The following TNFSF4 variants were observed in gnomAD, a reference collection of about 807,000 sequenced individuals.
TNFSF4 encodes the protein TNF superfamily member 4, also known as tumor necrosis factor ligand superfamily member 4.
A neutral mutation model predicts 7.3 loss-of-function variants in TNFSF4; 4 were observed. That is an observed-to-expected ratio of 0.55 (90% CI 0.27 to 1.25). The LOEUF is 1.25. Among genes scored for constraint, TNFSF4 ranks in the 50% most tolerant of loss-of-function variants. The probability of loss-of-function intolerance (pLI) is 0.12; values close to 1 mark genes in which losing one functional copy is unlikely to be tolerated. For missense variants in TNFSF4, 181 were observed against 208.8 expected, an observed-to-expected ratio of 0.87 and a Z score of 0.82; for synonymous variants, 76 against 83.7, an observed-to-expected ratio of 0.91 and a Z score of 0.50.
chr1:173,395,499 A>G, the TNFSF4 span, among the ~76,000 whole-genome samples: 9 of 148,570 alleles, frequency 6.1e-5, no homozygotes, highest in Non-Finnish European at 1.3e-4. Context: ...TTGCTGACCA[A>G]AATGGTGTAA....
At chr1:173,270,304 T>C in the TNFSF4 span, among the ~76,000 whole-genome samples, 9 of 152,106 alleles carry the variant, frequency 5.9e-5, no homozygotes, top group African/African-American at 2.2e-4. Context: ...GCTGGGACTG[T>C]AAGTTTGGGA....
At chr1:173,371,663 T>C in the TNFSF4 span, among the ~76,000 whole-genome samples, 1 of 152,088 alleles carries the variant, frequency 6.6e-6, no homozygotes, top group Non-Finnish European at 1.5e-5. Context: ...AAAAACCAAA[T>C]GGTTAGGGGA....
chr1:173,362,832 A>G, the TNFSF4 span: 16 of 438,010 alleles, frequency 3.7e-5, no homozygotes, highest in Admixed American at 4.4e-4. Context: ...ATGCAAGACA[A>G]GCTGAACATT....
At chr1:173,242,293 A>G in the TNFSF4 span, among the ~76,000 whole-genome samples, 3 of 152,080 alleles carry the variant, frequency 2.0e-5, no homozygotes, top group African/African-American at 7.2e-5. Flanking sequence ...CACCCTCCAA[A>G]CACCAAGAAA....
chr1:173,394,939 TAGATAGAC>T, the TNFSF4 span, among the ~76,000 whole-genome samples: 95 of 149,868 alleles, frequency 6.3e-4, 1 homozygote, highest in South Asian at 5.2e-3. Context: ...GATAGATAGA[TAGATAGAC>T]AGACAGACAG....
At chr1:173,388,673 A>G in the TNFSF4 span, among the ~76,000 whole-genome samples, 2 of 152,358 alleles carry the variant, frequency 1.3e-5, no homozygotes, top group African/African-American at 4.8e-5. Flanking sequence ...AAAATGTCAA[A>G]CAATGCCACT....
the TNFSF4 span, among the ~76,000 whole-genome samples, chr1:173,330,730 G>A: frequency 2.0e-5 from 3 of 152,038 alleles, no homozygotes; most frequent in Non-Finnish European, 4.4e-5. Context: ...AAAGTGCATT[G>A]CAAAGGAGAA....
chr1:173,400,483 A>G, the TNFSF4 span, among the ~76,000 whole-genome samples: 1 of 152,208 alleles, frequency 6.6e-6, no homozygotes, highest in Non-Finnish European at 1.5e-5. Context: ...CTGCCTGCCT[A>G]GAGGTCTTAA....
At chr1:173,236,792 T>G in the TNFSF4 span, among the ~76,000 whole-genome samples, 2 of 152,056 alleles carry the variant, frequency 1.3e-5, no homozygotes, top group Non-Finnish European at 2.9e-5. Context: ...AAAGTTGATC[T>G]CACAGGAGTA....
chr1:173,449,128 C>T, the TNFSF4 span, among the ~76,000 whole-genome samples: 23,027 of 151,902 alleles, frequency 0.15, 2,101 homozygotes, highest in East Asian at 0.31. Context: ...GAGATCTGCT[C>T]ATTTAAAAGT....
the TNFSF4 span, among the ~76,000 whole-genome samples, chr1:173,323,970 G>A: frequency 2.0e-5 from 3 of 152,138 alleles, no homozygotes; most frequent in South Asian, 2.1e-4. Context: ...TTCCCCAATC[G>A]AGCAAGGCAG....
At chr1:173,228,842 C>T in the TNFSF4 span, among the ~76,000 whole-genome samples, 1 of 151,906 alleles carries the variant, frequency 6.6e-6, no homozygotes, top group South Asian at 2.1e-4. Context: ...GATTGAAGAT[C>T]AAATGAATGA....
At chr1:173,239,755 G>A in the TNFSF4 span, among the ~76,000 whole-genome samples, 2 of 152,166 alleles carry the variant, frequency 1.3e-5, no homozygotes, top group African/African-American at 2.4e-5. Context: ...GTGGGACCGG[G>A]CACAGTGGCT....
the TNFSF4 span, among the ~76,000 whole-genome samples, chr1:173,337,469 C>T: frequency 6.6e-6 from 1 of 152,110 alleles, no homozygotes; most frequent in Non-Finnish European, 1.5e-5. Flanking sequence ...GCTATACTAC[C>T]CTCTCTCTTC....
the TNFSF4 span, among the ~76,000 whole-genome samples, chr1:173,439,290 G>C: frequency 6.6e-6 from 1 of 152,220 alleles, no homozygotes; most frequent in Admixed American, 6.5e-5. Flanking sequence ...ATTATTTCAT[G>C]ATCAGTCTTG....
At chr1:173,371,164 G>A in the TNFSF4 span, among the ~76,000 whole-genome samples, 3 of 152,160 alleles carry the variant, frequency 2.0e-5, no homozygotes, top group Admixed American at 6.5e-5. Context: ...CACTGGTGTG[G>A]CCTTCTCAGT....
chr1:173,208,757 G>A (rs12144295), upstream of TNFSF4, among the ~76,000 whole-genome samples: 4 of 151,456 alleles, frequency 2.6e-5, no homozygotes, highest in Non-Finnish European at 4.4e-5. Context: ...AGTGTGTAAA[G>A]CCCAATTCTT....
the TNFSF4 span, among the ~76,000 whole-genome samples, chr1:173,214,584 A>T: frequency 1.4e-5 from 2 of 143,682 alleles, no homozygotes; most frequent in Non-Finnish European, 3.1e-5. Context: ...CTAATGAGCT[A>T]AAAAAAAGAA....
At chr1:173,437,028 C>T in the TNFSF4 span, among the ~76,000 whole-genome samples, 2 of 152,252 alleles carry the variant, frequency 1.3e-5, no homozygotes, top group South Asian at 4.1e-4. Flanking sequence ...ATGGTGAGGG[C>T]TTTGACCCTC....
Sources: allele counts gnomAD v4.1 joint callset (sites outside exome capture counted in the v4.1 genomes callset), GRCh38; gene constraint gnomAD v4.1.1; transcripts MANE v1.5; gene names NCBI Gene and HGNC (gene_info 2026-07-23, HGNC 2026-07-21).